The following ARHGEF3 variants were observed in gnomAD, a reference collection of about 807,000 sequenced individuals.
ARHGEF3 encodes Rho guanine nucleotide exchange factor 3, also known as 59.8 kDA protein.
In ARHGEF3, 28 loss-of-function variants were observed where a neutral mutation model predicts 63.2. The observed-to-expected ratio is 0.44, with a 90% CI of 0.33 to 0.61. The LOEUF is 0.61. Among genes scored for constraint, ARHGEF3 ranks in the 20% least tolerant of loss-of-function variants. The pLI is 0.03. For missense variants in ARHGEF3, 533 were observed against 659.3 expected (o/e 0.81, Z 2.10); for synonymous variants, 266 against 254.2 (o/e 1.05, Z -0.44).
chr3:56,835,895 T>C (rs1051890017), intron 4 of ARHGEF3, among the ~76,000 whole-genome samples: 1 of 152,216 alleles, frequency 6.6e-6, no homozygotes, highest in Admixed American at 6.5e-5. Context: ...CCACACAGAC[T>C]TCCCGTGGAA....
chr3:56,811,309 C>A (rs2038054603), intron 4 of ARHGEF3, among the ~76,000 whole-genome samples: 1 of 144,630 alleles, frequency 6.9e-6, no homozygotes, highest in Non-Finnish European at 1.5e-5. Flanking sequence ...AGCTGTAGAG[C>A]AGAGAATGGG....
intron 7 of ARHGEF3, among the ~76,000 whole-genome samples, chr3:56,739,324 C>G (rs2033851341): frequency 6.6e-6 from 1 of 150,852 alleles, no homozygotes; most frequent in South Asian, 2.1e-4. Context: ...TTTGCGCAGT[C>G]AGAAGTTATC....
At chr3:57,046,277 C>A (rs191875034) in intron 1 of ARHGEF3, among the ~76,000 whole-genome samples, 2 of 152,312 alleles carry the variant, frequency 1.3e-5, no homozygotes, top group Admixed American at 1.3e-4. Context: ...GCAACCTGGC[C>A]AAGGTCCAGC....
chr3:56,873,223 GT>G (rs34822100), intron 4 of ARHGEF3, among the ~76,000 whole-genome samples: 6,534 of 147,208 alleles, frequency 0.044, 477 homozygotes, highest in African/African-American at 0.15. Flanking sequence ...TGCTATGTTT[GT>G]TTTTTTTTTT....
chr3:57,053,441 A>G (rs1399482014), intron 1 of ARHGEF3, among the ~76,000 whole-genome samples: 4 of 151,730 alleles, frequency 2.6e-5, no homozygotes, highest in Non-Finnish European at 5.9e-5. Context: ...CATCTCCCCA[A>G]CCTTCTTCCA....
chr3:56,873,226 T>TG lies in ARHGEF3; in HGVS notation c.192+9065_192+9066insC, dbSNP rs200188830. On this transcript the variant is annotated intron_variant, in intron 4 of 12. Coordinates refer to the ARHGEF3 transcript ENST00000338458. ...GTTTTACTTTTGTGCTATGTTTGTT[T>TG]TTTTTTTTTTAACTTTTAAGTTCAG... Among the ~76,000 whole-genome samples the TG allele has an allele frequency of 5.5e-3, 834 of 151,340 alleles. 4 individuals are homozygous for TG. The highest frequency in any genetic ancestry group is 0.016 in the African/African-American group (667 of 41,298).
intron 3 of ARHGEF3, among the ~76,000 whole-genome samples, chr3:56,911,133 G>C (rs987551251): frequency 6.6e-6 from 1 of 152,154 alleles, no homozygotes; most frequent in Non-Finnish European, 1.5e-5. Flanking sequence ...CTGACTCCTA[G>C]CCCAGTGCTC....
chr3:56,908,798 G>T (rs2041774167), intron 3 of ARHGEF3, among the ~76,000 whole-genome samples: 1 of 152,056 alleles, frequency 6.6e-6, no homozygotes, highest in African/African-American at 2.4e-5. Flanking sequence ...TGCTATGTGT[G>T]GTGATTTCTG....
At chr3:56,754,045 G>A (rs568519840) in intron 3 of ARHGEF3, among the ~76,000 whole-genome samples, 17 of 152,308 alleles carry the variant, frequency 1.1e-4, no homozygotes, top group African/African-American at 3.8e-4. Flanking sequence ...ATTATCCACT[G>A]CCTTGAGGCT....
At chr3:56,886,632 GCTA>G (rs1256833594) in intron 3 of ARHGEF3, among the ~76,000 whole-genome samples, 1 of 152,196 alleles carries the variant, frequency 6.6e-6, no homozygotes, top group East Asian at 1.9e-4. Context: ...CTTCACTGGA[GCTA>G]CTACTACTAA....
In ARHGEF3 at chr3:56,755,150, C is replaced by G; in HGVS notation, c.206G>C (p.Arg69Pro). Residue 69 changes from arginine to proline, a missense_variant and splice_region_variant, in exon 3 of 10, where the codon CGC becomes CCC. Coordinates refer to ENST00000296315, the MANE Select transcript of ARHGEF3 (RefSeq NM_019555.3). ...GCTCTCACTGCGGAAGCTAATGGAG[C>G]GCTAAACAATGAGAAAAACAAACCA... Reference protein sequence around the residue: ...PLKRFSQTLQRSISFRSESRP... With the variant: ...PLKRFSQTLQPSISFRSESRP... The G allele has an allele frequency of 6.2e-7, 1 of 1,612,692 alleles. No homozygotes were observed. The highest frequency in any genetic ancestry group is 8.5e-7 in the Non-Finnish European group (1 of 1,179,852).
At chr3:56,777,352 C>T (rs1310036509) in intron 1 of ARHGEF3, among the ~76,000 whole-genome samples, 1 of 152,158 alleles carries the variant, frequency 6.6e-6, no homozygotes, top group Non-Finnish European at 1.5e-5. Flanking sequence ...TAAAGGCATA[C>T]AGGTCATATT....
chr3:56,752,396 C>T (rs1404452960), intron 4 of ARHGEF3, among the ~76,000 whole-genome samples: 1 of 152,170 alleles, frequency 6.6e-6, no homozygotes, highest in Non-Finnish European at 1.5e-5. Context: ...AGACTGATGT[C>T]ACAAGACAGC....
At chr3:56,907,325 G>T (rs367818190) in intron 3 of ARHGEF3, among the ~76,000 whole-genome samples, 5 of 152,138 alleles carry the variant, frequency 3.3e-5, no homozygotes, top group African/African-American at 1.2e-4. Context: ...AGGGCACAAC[G>T]CTATGGAGGC....
intron 2 of ARHGEF3, among the ~76,000 whole-genome samples, chr3:56,969,396 A>G (rs188750701): frequency 8.8e-6 from 1 of 113,876 alleles, no homozygotes; most frequent in African/African-American, 3.1e-5. Context: ...TGATTGATCA[A>G]TAAGAATTTT....
chr3:56,969,423 T>C (rs951595555), intron 2 of ARHGEF3, among the ~76,000 whole-genome samples: 2 of 152,136 alleles, frequency 1.3e-5, no homozygotes, highest in Non-Finnish European at 2.9e-5. Flanking sequence ...ATTCAGGACA[T>C]AGCATGTAGC....
intron 2 of ARHGEF3, among the ~76,000 whole-genome samples, chr3:56,965,397 C>T (rs1389139980): frequency 6.6e-6 from 1 of 152,024 alleles, no homozygotes; most frequent in East Asian, 1.9e-4. Flanking sequence ...GCCTGAATAG[C>T]CTTATAATTA....
intron 1 of ARHGEF3, among the ~76,000 whole-genome samples, chr3:57,075,822 A>G (rs1706194046): frequency 6.6e-6 from 1 of 152,198 alleles, no homozygotes; most frequent in Non-Finnish European, 1.5e-5. Context: ...AAAAAGAAAA[A>G]AGAAAAAGAA....
intron 4 of ARHGEF3, among the ~76,000 whole-genome samples, chr3:56,840,931 CTG>C (rs2039289551): frequency 6.6e-6 from 1 of 152,010 alleles, no homozygotes; most frequent in African/African-American, 2.4e-5. Context: ...TTTTTAAAAA[CTG>C]TAAGATTAAA....
Sources: allele counts gnomAD v4.1 joint callset (sites outside exome capture counted in the v4.1 genomes callset), GRCh38; gene constraint gnomAD v4.1.1; transcripts MANE v1.5; gene names NCBI Gene and HGNC (gene_info 2026-07-23, HGNC 2026-07-21).